Variants in STX12 observed in about 807,000 individuals in gnomAD.
STX12 encodes syntaxin 12.
Under a neutral mutation model 42.2 loss-of-function variants are expected in STX12, and 17 were observed. The observed-to-expected ratio is 0.40, with a 90% confidence interval of 0.28 to 0.60. STX12 has a LOEUF of 0.60. Among genes scored for constraint, STX12 ranks in the 20% least tolerant of loss-of-function variants. STX12 has a pLI of 0.39. For synonymous variants in STX12, 108 were observed against 116.7 expected, an observed-to-expected ratio of 0.93 and a Z score of 0.48; for missense variants, 297 against 330.9, an observed-to-expected ratio of 0.90 and a Z score of 0.79.
In STX12 at chr1:27,773,431, C is replaced by G. The variant is rs1467089443; in HGVS notation, c.118+6C>G. Reference sequence around the variant, plus strand: ...CCAGCGGATCAGCCAAGCCAGTGAGCCGGGGTACCGAGCTGGGGGGCGGGA... The same window carrying G: ...CCAGCGGATCAGCCAAGCCAGTGAGGCGGGGTACCGAGCTGGGGGGCGGGA... On this transcript the variant is annotated splice_donor_region_variant and intron_variant, in intron 1 of 8. Transcript: ENST00000373943. 1.2e-6 allele frequency: 2 copies of G among 1,612,906 alleles called. No homozygotes were observed. The highest frequency in any genetic ancestry group is 2.2e-5 in the East Asian group (1 of 44,844).
chr1:27,820,530 C>T (rs2088976965), intron 8 of STX12, among the ~76,000 whole-genome samples: 1 of 152,170 alleles, frequency 6.6e-6, no homozygotes. Context: ...TCCCATTTGT[C>T]AGTTTTGGCT....
At chr1:27,782,257 G>A (rs59777866) in intron 1 of STX12, among the ~76,000 whole-genome samples, 7,080 of 152,084 alleles carry the variant, frequency 0.047, 393 homozygotes, top group East Asian at 0.25. Flanking sequence ...GCACCACCAC[G>A]TCCAAGTAAT....
chr1:27,819,524 G>A (rs1056810283), intron 7 of STX12, 126 bp from the exon 8 acceptor site: 59 of 707,182 alleles, frequency 8.3e-5, no homozygotes, highest in Non-Finnish European at 1.1e-4. Flanking sequence ...GTAGTAACTC[G>A]ATTTCATGGC....
At chr1:27,809,534 T>C (rs1186118766) in intron 4 of STX12, among the ~76,000 whole-genome samples, 1 of 150,054 alleles carries the variant, frequency 6.7e-6, no homozygotes, top group Non-Finnish European at 1.5e-5. Context: ...AATCTCAGCT[T>C]ACTGCAGCCT....
chr1:27,779,343 G>GTTGT (rs2088650533), intron 1 of STX12, among the ~76,000 whole-genome samples: 2 of 144,186 alleles, frequency 1.4e-5, no homozygotes, highest in African/African-American at 5.2e-5. Flanking sequence ...GTTTTTTTTT[G>GTTGT]TTTTTTTTTG....
rs754959283 is a variant in STX12, at chr1:27,793,628, A to G, written c.284A>G (p.Glu95Gly). Reference protein sequence around the residue: ...GSLPLPLSTSEQRQQRLQKER... With the variant: ...GSLPLPLSTSGQRQQRLQKER... ...TTGCCCCTTCCCTTATCTACTTCAG[A>G]ACAGGTTGGTATTTTCTGTTTTGTT... The change falls in exon 3 of 9, where the codon GAA becomes GGA. Residue 95 changes from glutamate (E) to glycine (G), a missense_variant. Transcript: ENST00000373943. 1.2e-6 allele frequency: 2 copies of G among 1,613,372 alleles called. No individual in the cohort carries two copies. Among genetic ancestry groups the G allele is most frequent in the Non-Finnish European group, 1.7e-6 (2 of 1,179,384 alleles).
At chr1:27,819,617 G>T in intron 7 of STX12, 33 bp from the exon 8 acceptor site, 1 of 1,591,180 alleles carries the variant, frequency 6.3e-7, no homozygotes, top group Non-Finnish European at 8.6e-7. Context: ...ACATCTGAGT[G>T]TGTTAAAACA....
intron 5 of STX12, 106 bp from the exon 6 acceptor site, chr1:27,812,057 C>T (rs1175535010): frequency 1.1e-6 from 1 of 893,100 alleles, no homozygotes. Context: ...GGACTGGAGC[C>T]CTGGTAATGT....
intron 3 of STX12, among the ~76,000 whole-genome samples, chr1:27,796,557 A>G (rs1324207546): frequency 6.6e-6 from 1 of 152,034 alleles, no homozygotes; most frequent in Non-Finnish European, 1.5e-5. Context: ...ACACCAAGCT[A>G]CTTTTTAAAT....
chr1:27,787,064 G>C (rs1407717492), intron 1 of STX12, among the ~76,000 whole-genome samples: 1 of 152,144 alleles, frequency 6.6e-6, no homozygotes, highest in Non-Finnish European at 1.5e-5. Context: ...GAGAAGTCTT[G>C]TCAAAAGGCA....
chr1:27,810,118 T>C, intron 4 of STX12, 128 bp from the exon 5 acceptor site: 1 of 793,678 alleles, frequency 1.3e-6, no homozygotes, highest in Admixed American at 2.4e-5. Context: ...CAGAGTCCTA[T>C]GTAATCTTAC....
At chr1:27,796,646 C>T (rs139651890) in intron 3 of STX12, among the ~76,000 whole-genome samples, 10 of 152,252 alleles carry the variant, frequency 6.6e-5, no homozygotes, top group African/African-American at 2.4e-4. Context: ...CTCTCCTCAG[C>T]CTCCCAAAGT....
At position 27,782,247 on chromosome 1, in the gene STX12, G is replaced by A. The variant is rs184029902; in HGVS notation, c.119-7315G>A. ...TCCGAGTAGCTAGGACTACAGGCACGCACCACCACGTCCAAGTAATTTTTT... is the reference window on the plus strand; with the variant it reads ...TCCGAGTAGCTAGGACTACAGGCACACACCACCACGTCCAAGTAATTTTTT... On this transcript the variant is annotated intron_variant, in intron 1 of 8. Transcript: ENST00000373943. Among the ~76,000 whole-genome samples, 340 of 152,088 alleles carry A rather than the reference G, an allele frequency of 2.2e-3. 1 individual carries two copies. Among genetic ancestry groups the A allele is most frequent in the African/African-American group, 6.2e-3 (256 of 41,476 alleles).
chr1:27,798,524 A>G (rs2088802461), intron 3 of STX12, among the ~76,000 whole-genome samples: 1 of 151,714 alleles, frequency 6.6e-6, no homozygotes, highest in Admixed American at 6.6e-5. Flanking sequence ...GGCCACCTAT[A>G]ATCCCAACTA....
At chr1:27,799,394 T>G (rs2088810669) in intron 3 of STX12, among the ~76,000 whole-genome samples, 1 of 152,208 alleles carries the variant, frequency 6.6e-6, no homozygotes, top group African/African-American at 2.4e-5. Flanking sequence ...TCTAAGTTAC[T>G]ATTTTGTACC....
At chr1:27,791,446 G>A (rs983556791) in intron 2 of STX12, among the ~76,000 whole-genome samples, 5 of 152,178 alleles carry the variant, frequency 3.3e-5, no homozygotes, top group Non-Finnish European at 7.4e-5. Context: ...TAGACTGATA[G>A]TAGGGACTCC....
intron 1 of STX12, among the ~76,000 whole-genome samples, chr1:27,788,737 C>T (rs548753866): frequency 6.6e-6 from 1 of 152,214 alleles, no homozygotes; most frequent in Admixed American, 6.6e-5. Context: ...TAAGGCCAGG[C>T]GTGGTGGCTC....
chr1:27,797,166 A>G (rs549784442), intron 3 of STX12, among the ~76,000 whole-genome samples: 4 of 152,118 alleles, frequency 2.6e-5, no homozygotes, highest in African/African-American at 7.2e-5. Context: ...GGTTCGAGCA[A>G]TTCTCCTGCC....
intron 6 of STX12, among the ~76,000 whole-genome samples, chr1:27,814,496 C>A (rs941583373): frequency 2.0e-5 from 3 of 151,980 alleles, no homozygotes; most frequent in African/African-American, 7.3e-5. Flanking sequence ...CCACTGCAAT[C>A]CAGCCTGGGC....
Sources: allele counts gnomAD v4.1 joint callset (sites outside exome capture counted in the v4.1 genomes callset), GRCh38; gene constraint gnomAD v4.1.1; transcripts MANE v1.5; gene names NCBI Gene and HGNC (gene_info 2026-07-23, HGNC 2026-07-21).